ACSM1: variants seen among roughly 807,000 people sequenced by gnomAD.
ACSM1 encodes the protein acyl-CoA synthetase medium chain family member 1.
ACSM1 carries 79 observed loss-of-function variants against 75.8 expected under a neutral mutation model. That is an observed-to-expected ratio of 1.04 (90% CI 0.87 to 1.26). The LOEUF (loss-of-function observed/expected upper bound fraction) is 1.26, where lower values mean the gene tolerates loss of function less well. Among genes scored for constraint, ACSM1 ranks in the 50% most tolerant of loss-of-function variants. The pLI, the probability that ACSM1 is intolerant of heterozygous loss-of-function variation, is 0.00. For synonymous variants in ACSM1, 279 were observed against 265.8 expected (o/e 1.05, Z -0.48); for missense variants, 676 against 720.1 (o/e 0.94, Z 0.70).
intron 3 of ACSM1, among the ~76,000 whole-genome samples, chr16:20,684,528 T>A (rs1212915338): frequency 6.6e-6 from 1 of 152,224 alleles, no homozygotes; most frequent in African/African-American, 2.4e-5. Context: ...ACGTGTCTAA[T>A]CTGAATATAA....
chr16:20,680,890 T>C (rs1241075665), intron 4 of ACSM1: 1 of 152,200 alleles, frequency 6.6e-6, no homozygotes. Flanking sequence ...AGCATGTGTG[T>C]AGTAACAATC....
At chr16:20,627,341 G>T (rs1205049432) in intron 10 of ACSM1, 25 bp from the exon 11 acceptor site, 1 of 1,548,026 alleles carries the variant, frequency 6.5e-7, no homozygotes, top group African/African-American at 1.4e-5. Flanking sequence ...GAGCTCCTTT[G>T]TTGAAGGCAG....
intron 7 of ACSM1, among the ~76,000 whole-genome samples, chr16:20,660,098 T>C (rs533055866): frequency 1.3e-5 from 2 of 152,310 alleles, no homozygotes; most frequent in East Asian, 1.9e-4. Flanking sequence ...TGGTCACTCA[T>C]ATTTAGCTCA....
chr16:20,688,948 T>C (rs2079603252), intron 2 of ACSM1, among the ~76,000 whole-genome samples: 2 of 149,110 alleles, frequency 1.3e-5, no homozygotes, highest in South Asian at 2.1e-4. Flanking sequence ...AAAATAATTA[T>C]AAATATATGT....
intron 4 of ACSM1, among the ~76,000 whole-genome samples, chr16:20,677,864 CA>C (rs1555475838): frequency 6.7e-6 from 1 of 148,988 alleles, no homozygotes; most frequent in Non-Finnish European, 1.5e-5. Context: ...AGGCTATTTA[CA>C]AAGAAAAAAA....
At chr16:20,673,938 AT>A (rs2020112337) in intron 4 of ACSM1, 1 of 284,598 alleles carries the variant, frequency 3.5e-6, no homozygotes, top group Non-Finnish European at 7.2e-6. Context: ...AAAATGTGAA[AT>A]TTTACAGATA....
chr16:20,660,172 T>C (rs1425422142), intron 7 of ACSM1, among the ~76,000 whole-genome samples: 2 of 152,228 alleles, frequency 1.3e-5, no homozygotes, highest in African/African-American at 2.4e-5. Flanking sequence ...TAGTTTCCTA[T>C]GTACAGCATG....
intron 9 of ACSM1, 119 bp downstream of exon 9, chr16:20,637,252 G>T (rs2355930): frequency 4.6e-6 from 4 of 873,254 alleles, no homozygotes; most frequent in Non-Finnish European, 5.9e-6. Context: ...GGATAAATGA[G>T]AAGAGAGGAG....
chr16:20,639,750 A>C (rs981284135), intron 8 of ACSM1, among the ~76,000 whole-genome samples: 1 of 152,184 alleles, frequency 6.6e-6, no homozygotes, highest in Non-Finnish European at 1.5e-5. Flanking sequence ...ATGTGGCATA[A>C]TTCAGCACAT....
At chr16:20,624,351 T>A in intron 12 of ACSM1, 136 bp from the exon 13 acceptor site, 2 of 1,055,402 alleles carry the variant, frequency 1.9e-6, no homozygotes, top group Non-Finnish European at 2.5e-6. Flanking sequence ...GGACCAGGTG[T>A]AAATCCCTGT....
chr16:20,634,609 G>A (rs2017546042), intron 10 of ACSM1, among the ~76,000 whole-genome samples: 1 of 152,160 alleles, frequency 6.6e-6, no homozygotes, highest in African/African-American at 2.4e-5. Context: ...GGCAAATGTT[G>A]TATATTTTCA....
In ACSM1 at chr16:20,691,166, CG is replaced by C. The variant is rs770987196; in HGVS notation, c.22del (p.Arg8GlyfsTer70). Reference sequence around the variant, plus strand: ...GGATTTGTGGATGCCCCAGAGGGTCCGGAACCTCATTAGCCACTGCATGGTG... The same window carrying C: ...GGATTTGTGGATGCCCCAGAGGGTCCGAACCTCATTAGCCACTGCATGGTG... Reference protein sequence around the residue: MQWLMRFRTLWGIHKSFH... With the variant: MQWLMRFXTLWGIHKSFH... On this transcript the variant is annotated frameshift_variant, in exon 2 of 14. Transcript: ENST00000520010. LOFTEE classifies it high-confidence loss of function. 1.2e-6 allele frequency: 2 copies of C among 1,600,824 alleles called. No homozygotes were observed. Among genetic ancestry groups the C allele is most frequent in the South Asian group, 2.3e-5 (2 of 88,660 alleles).
chr16:20,636,961 G>C (rs1417931728), intron 9 of ACSM1, 121 bp from the exon 10 acceptor site: 2 of 739,846 alleles, frequency 2.7e-6, no homozygotes, highest in Non-Finnish European at 4.7e-6. Context: ...GGAAACATCA[G>C]AAAATGGAAT....
chr16:20,682,649 C>T (rs946056972), intron 3 of ACSM1, among the ~76,000 whole-genome samples, 186 bp from the exon 4 acceptor site: 1 of 152,192 alleles, frequency 6.6e-6, no homozygotes, highest in African/African-American at 2.4e-5. Context: ...GAATCAGAAT[C>T]TGCATCTTAA....
At chr16:20,685,819 C>CAG (rs2079538857) in intron 2 of ACSM1, among the ~76,000 whole-genome samples, 1 of 50,188 alleles carries the variant, frequency 2.0e-5, no homozygotes, top group Non-Finnish European at 3.2e-5. Context: ...GACTCCGTCT[C>CAG]AAAAAAAAAA....
intron 1 of ACSM1, among the ~76,000 whole-genome samples, chr16:20,692,504 G>T (rs904071729): frequency 1.3e-5 from 2 of 152,126 alleles, no homozygotes; most frequent in African/African-American, 4.8e-5. Context: ...GTTTTATTGT[G>T]CACCGGTATC....
In ACSM1 at chr16:20,691,119, G is replaced by A. The variant is rs776565903; in HGVS notation, c.70C>T (p.Pro24Ser). 4 of 1,613,440 alleles carry A rather than the reference G, an allele frequency of 2.5e-6. No homozygotes were observed. The highest frequency in any genetic ancestry group is 2.7e-5 in the African/African-American group (2 of 74,924). The change falls in exon 2 of 14, where the codon CCT (proline) becomes TCT (serine). Residue 24 changes from proline (P) to serine (S), a missense_variant. By Grantham distance (74) the Pro-to-Ser change is moderately conservative. Transcript: ENST00000520010. ...HKSFHNIHPA[P>S]SQLRCRSLSE... ...AAAGACCGGCAGCGCAGCTGTGAAG[G>A]GGCAGGGTGGATGTTGTGGAAGGAT...
chr16:20,658,022 G>C lies in ACSM1; in HGVS notation c.992+3772C>G, dbSNP rs1022011970. On this transcript the variant is annotated intron_variant, in intron 7 of 13. Coordinates refer to ENST00000520010, the MANE Select transcript of ACSM1 (RefSeq NM_001318890.3). The stretch of plus-strand genomic sequence containing the variant: ...CAGTCTATCATTTTTGGACATTTGG[G>C]TTGGTTCCAAGTCTTTGCTATTGTG... Among the ~76,000 whole-genome samples, 10 of 152,140 alleles carry C rather than the reference G, an allele frequency of 6.6e-5. 1 individual carries two copies. The highest frequency in any genetic ancestry group is 2.2e-4 in the African/African-American group (9 of 41,412).
intron 10 of ACSM1, among the ~76,000 whole-genome samples, chr16:20,632,546 A>G (rs1020849480): frequency 3.9e-5 from 6 of 152,242 alleles, no homozygotes; most frequent in Non-Finnish European, 7.3e-5. Context: ...TTAGTTATCA[A>G]CACCTTCCAA....
Sources: gnomAD v4.1 joint callset for allele counts (sites outside exome capture counted in the v4.1 genomes callset) on GRCh38, gnomAD v4.1.1 for gene constraint, MANE v1.5 for transcripts, NCBI Gene and HGNC (gene_info 2026-07-23, HGNC 2026-07-21) for gene names.